P2RY8: variants seen among roughly 807,000 people sequenced by gnomAD.
P2RY8 encodes the protein P2Y receptor family member 8.
P2RY8 carries 6 observed loss-of-function variants against 10.0 expected under a neutral mutation model. The ratio of observed to expected loss-of-function variants is 0.60; its 90% CI spans 0.33 to 1.19. The LOEUF (loss-of-function observed/expected upper bound fraction) is 1.19. P2RY8 is among the 50% of genes most tolerant of loss of function. The probability of loss-of-function intolerance (pLI) is 0.04; values close to 1 mark genes in which losing one functional copy is unlikely to be tolerated. For synonymous variants in P2RY8, 276 were observed against 252.5 expected (o/e 1.09, Z -0.88); for missense variants, 456 against 542.0 (o/e 0.84, Z 1.58).
intron 1 of P2RY8, among the ~76,000 whole-genome samples, chrX:1,500,504 G>A (rs1178918572): frequency 6.6e-6 from 1 of 151,922 alleles, no homozygotes; most frequent in African/African-American, 2.4e-5. Flanking sequence ...GAGTGCAGTG[G>A]TGTGATCTCG....
At chrX:1,509,733 C>CTATCTATGTATG (rs2092280741) in intron 1 of P2RY8, among the ~76,000 whole-genome samples, 1 of 102,160 alleles carries the variant, frequency 9.8e-6, no homozygotes, top group Non-Finnish European at 2.2e-5. Context: ...ATCTATGTAT[C>CTATCTATGTATG]TATCTATGTA....
rs749255880 is a variant in P2RY8, at chrX:1,488,010, T to C, written c.-24-21428A>G. On this transcript the variant is annotated intron_variant, in intron 1 of 1. Coordinates refer to ENST00000381297, the MANE Select transcript of P2RY8 (RefSeq NM_178129.5). Reference sequence around the variant, plus strand: ...CTGTAATCCCAGCAACTTGGGAGGCTGAGGCATGAGAATCGCTTGAACCTG... The same window carrying C: ...CTGTAATCCCAGCAACTTGGGAGGCCGAGGCATGAGAATCGCTTGAACCTG... Among the ~76,000 whole-genome samples, 7 of 152,064 alleles carry C rather than the reference T, an allele frequency of 4.6e-5. No homozygotes were observed. In the South Asian group the frequency reaches 1.5e-3, roughly 32 times the overall value.
intron 1 of P2RY8, among the ~76,000 whole-genome samples, chrX:1,509,191 CCATCTATG>C (rs1186023797): frequency 6.9e-4 from 71 of 102,990 alleles, no homozygotes; most frequent in African/African-American, 1.7e-3. Flanking sequence ...ATCTATCTAT[CCATCTATG>C]TATCTACCTA....
chrX:1,516,633 G>GC (rs2092352571), intron 1 of P2RY8, among the ~76,000 whole-genome samples: 1 of 151,952 alleles, frequency 6.6e-6, no homozygotes, highest in Non-Finnish European at 1.5e-5. Flanking sequence ...AACCAGCCCT[G>GC]CCTACACCTG....
At chrX:1,532,358 T>C (rs1318358782) in intron 1 of P2RY8, among the ~76,000 whole-genome samples, 2 of 150,472 alleles carry the variant, frequency 1.3e-5, no homozygotes, top group East Asian at 1.9e-4. Flanking sequence ...GATGTGTATA[T>C]ATACACATAT....
chrX:1,492,771 G>C (rs2092065927), intron 1 of P2RY8, among the ~76,000 whole-genome samples: 1 of 152,118 alleles, frequency 6.6e-6, no homozygotes, highest in African/African-American at 2.4e-5. Flanking sequence ...GTTCCAGAGA[G>C]AGGGCCCACG....
chrX:1,495,372 G>A (rs1479206310), intron 1 of P2RY8, among the ~76,000 whole-genome samples: 8 of 152,212 alleles, frequency 5.3e-5, no homozygotes, highest in African/African-American at 1.2e-4. Context: ...ACAGTAAAAT[G>A]AGGTCACCAG....
intron 1 of P2RY8, among the ~76,000 whole-genome samples, chrX:1,534,382 G>T (rs1456066133): frequency 6.6e-6 from 1 of 151,640 alleles, no homozygotes. Context: ...AACACTCCCT[G>T]CAGTCCCCTG....
In P2RY8 at chrX:1,480,458, G is replaced by A. The variant is rs567504351; in HGVS notation, c.-24-13876C>T. ...AGCTGGGGGCAGTAGTGCAATGACC[G>A]CTCACTGCAGCCTCGAACTCCTGGC... is the stretch of plus-strand genomic sequence containing the variant. On this transcript the variant is annotated intron_variant, in intron 1 of 1. Transcript: ENST00000381297. 1.1e-4 allele frequency among the ~76,000 whole-genome samples: 16 copies of A among 151,380 alleles called. No homozygotes were observed. The South Asian group carries it at 2.1e-3, about 20-fold the overall frequency.
intron 1 of P2RY8, among the ~76,000 whole-genome samples, chrX:1,475,713 T>A (rs6644956): frequency 0.37 from 56,317 of 151,936 alleles, 11,893 homozygotes; most frequent in South Asian, 0.61. Flanking sequence ...AACAAGCCAA[T>A]GGGCCTCAGA....
intron 1 of P2RY8, among the ~76,000 whole-genome samples, chrX:1,515,046 T>C (rs2092335149): frequency 1.3e-5 from 2 of 149,544 alleles, no homozygotes; most frequent in East Asian, 2.0e-4. Flanking sequence ...GTAGCTGGGA[T>C]TACAGGCACC....
chrX:1,530,463 T>C (rs2092466452), intron 1 of P2RY8, among the ~76,000 whole-genome samples: 1 of 147,392 alleles, frequency 6.8e-6, no homozygotes, highest in Non-Finnish European at 1.5e-5. Context: ...TATCCATGTA[T>C]GTATGTATGT....
At chrX:1,496,144 ACGT>A (rs1405720306) in intron 1 of P2RY8, among the ~76,000 whole-genome samples, 1 of 152,192 alleles carries the variant, frequency 6.6e-6, no homozygotes, top group Non-Finnish European at 1.5e-5. Flanking sequence ...GAGAAGGCAG[ACGT>A]CAGAGATGCT....
At chrX:1,508,260 T>G (rs1311423392) in intron 1 of P2RY8, among the ~76,000 whole-genome samples, 1 of 152,010 alleles carries the variant, frequency 6.6e-6, no homozygotes. Flanking sequence ...GGCTGAGTGT[T>G]GATCAAAGGT....
chrX:1,530,272 T>TCTAC (rs1393877458), intron 1 of P2RY8, among the ~76,000 whole-genome samples: 358 of 114,578 alleles, frequency 3.1e-3, no homozygotes, highest in Non-Finnish European at 5.3e-3. Context: ...ATCACCATTA[T>TCTAC]CTATCTATCT....
At chrX:1,522,933 G>A (rs1228833857) in intron 1 of P2RY8, among the ~76,000 whole-genome samples, 12 of 151,240 alleles carry the variant, frequency 7.9e-5, no homozygotes, top group African/African-American at 2.9e-4. Context: ...GCTGGGCATG[G>A]TGCCACATGC....
At chrX:1,519,383 T>C (rs1156306767) in intron 1 of P2RY8, among the ~76,000 whole-genome samples, 5 of 151,956 alleles carry the variant, frequency 3.3e-5, no homozygotes, top group African/African-American at 1.2e-4. Flanking sequence ...TGGTCCCCAA[T>C]ATTCTCTCTG....
chrX:1,474,612 G>T (rs1452032365), intron 1 of P2RY8, among the ~76,000 whole-genome samples: 2 of 124,236 alleles, frequency 1.6e-5, no homozygotes, highest in Non-Finnish European at 3.5e-5. Context: ...GGATGGATAA[G>T]TGGGTGGGTG....
chrX:1,482,969 G>A (rs1254115213), intron 1 of P2RY8, among the ~76,000 whole-genome samples: 1 of 151,982 alleles, frequency 6.6e-6, no homozygotes, highest in Non-Finnish European at 1.5e-5. Context: ...GGGAGGGATA[G>A]CATTAGGAGA....
Sources: allele counts gnomAD v4.1 joint callset (sites outside exome capture counted in the v4.1 genomes callset), GRCh38; gene constraint gnomAD v4.1.1; transcripts MANE v1.5; gene names NCBI Gene and HGNC (gene_info 2026-07-23, HGNC 2026-07-21).